The following CA10 variants were observed in gnomAD, a reference collection of about 807,000 sequenced individuals.
CA10 encodes the protein carbonic anhydrase 10 (inactive), also known as carbonic anhydrase-related protein 10.
CA10 carries 14 observed loss-of-function variants against 44.2 expected under a neutral mutation model. The observed-to-expected ratio is 0.32, with a 90% CI of 0.21 to 0.50. The LOEUF (loss-of-function observed/expected upper bound fraction) is 0.50, where lower values mean the gene tolerates loss of function less well. CA10 is among the 20% of genes least tolerant of loss of function. The pLI is 0.99. For missense variants in CA10, 350 were observed against 409.7 expected, an observed-to-expected ratio of 0.85 and a Z score of 1.26; for synonymous variants, 159 against 141.6, an observed-to-expected ratio of 1.12 and a Z score of -0.87.
intron 4 of CA10, among the ~76,000 whole-genome samples, chr17:51,716,229 C>T (rs1916110457): frequency 6.6e-6 from 1 of 152,148 alleles, no homozygotes. Flanking sequence ...GCAGTTCTCC[C>T]TCTAGATTTG....
intron 2 of CA10, among the ~76,000 whole-genome samples, chr17:52,057,796 T>C (rs1358268765): frequency 6.6e-6 from 1 of 152,138 alleles, no homozygotes; most frequent in African/African-American, 2.4e-5. Flanking sequence ...GGTTTCATTA[T>C]TATTATTAAA....
chr17:51,746,053 A>G (rs1904675022), intron 4 of CA10, among the ~76,000 whole-genome samples: 1 of 152,192 alleles, frequency 6.6e-6, no homozygotes, highest in African/African-American at 2.4e-5. Context: ...TGGCATTACA[A>G]TGCCTTTGGC....
At chr17:51,823,663 T>G (rs1371618561) in intron 3 of CA10, among the ~76,000 whole-genome samples, 2 of 152,144 alleles carry the variant, frequency 1.3e-5, no homozygotes, top group Non-Finnish European at 2.9e-5. Flanking sequence ...TGACAACTCT[T>G]AAGACTTGAA....
At chr17:52,083,021 T>A (rs1258317043) in intron 1 of CA10, among the ~76,000 whole-genome samples, 1 of 152,214 alleles carries the variant, frequency 6.6e-6, no homozygotes, top group Non-Finnish European at 1.5e-5. Flanking sequence ...CCTAGGTTCA[T>A]GCAGCCTCCC....
chr17:51,703,018 G>C (rs1196697433), intron 4 of CA10, among the ~76,000 whole-genome samples: 1 of 152,114 alleles, frequency 6.6e-6, no homozygotes, highest in Non-Finnish European at 1.5e-5. Context: ...ATCCTGCTGG[G>C]AGGTTGTTAT....
At chr17:51,708,189 G>A (rs1029776800) in intron 4 of CA10, among the ~76,000 whole-genome samples, 16 of 152,170 alleles carry the variant, frequency 1.1e-4, no homozygotes, top group African/African-American at 2.7e-4. Context: ...GAGGCAGAGC[G>A]AATAGAGAGG....
chr17:51,633,306 T>C (rs1041912595), intron 8 of CA10, among the ~76,000 whole-genome samples, 170 bp downstream of exon 8: 4 of 152,182 alleles, frequency 2.6e-5, no homozygotes, highest in African/African-American at 7.2e-5. Flanking sequence ...CTGTATCACA[T>C]ATATCAAAAC....
At chr17:51,785,511 G>A (rs764459356) in intron 3 of CA10, among the ~76,000 whole-genome samples, 1 of 152,086 alleles carries the variant, frequency 6.6e-6, no homozygotes. Flanking sequence ...CCAAAATACA[G>A]GCAATAACAA....
At chr17:51,812,901 C>G (rs1907427097) in intron 3 of CA10, among the ~76,000 whole-genome samples, 1 of 152,198 alleles carries the variant, frequency 6.6e-6, no homozygotes, top group African/African-American at 2.4e-5. Context: ...GCTTAACCAT[C>G]TCCCAAATAG....
At chr17:51,685,796 C>T (rs1914989028) in intron 4 of CA10, among the ~76,000 whole-genome samples, 1 of 152,118 alleles carries the variant, frequency 6.6e-6, no homozygotes, top group African/African-American at 2.4e-5. Context: ...AGGAAAATAA[C>T]CCCAGAAAAG....
chr17:51,682,946 G>A (rs1474483489), intron 4 of CA10, among the ~76,000 whole-genome samples: 1 of 152,166 alleles, frequency 6.6e-6, no homozygotes, highest in Admixed American at 6.6e-5. Flanking sequence ...GAACCACCAG[G>A]CATGCTTATT....
intron 4 of CA10, among the ~76,000 whole-genome samples, chr17:51,692,372 TATC>T (rs2143429196): frequency 1.8e-5 from 1 of 56,896 alleles, no homozygotes; most frequent in South Asian, 6.0e-4. Context: ...CCATCCTATC[TATC>T]TATCTATCTA....
At chr17:51,895,013 G>A (rs1981010046) in intron 3 of CA10, among the ~76,000 whole-genome samples, 1 of 152,028 alleles carries the variant, frequency 6.6e-6, no homozygotes. Context: ...AATCTTACAA[G>A]CTCCCATTAA....
chr17:52,159,824 C>T (rs897883283), upstream of CA10: 1 of 152,302 alleles, frequency 6.6e-6, no homozygotes, highest in African/African-American at 2.4e-5. Context: ...CTCAGAACTG[C>T]TTGCCTAAGA....
intron 1 of CA10, among the ~76,000 whole-genome samples, chr17:52,140,247 T>C (rs997526736): frequency 5.3e-5 from 8 of 152,218 alleles, no homozygotes; most frequent in African/African-American, 1.9e-4. Flanking sequence ...TGTACTTCAA[T>C]AAAAGTTTAT....
chr17:52,121,569 A>G (rs1989015477), intron 1 of CA10, among the ~76,000 whole-genome samples: 1 of 151,974 alleles, frequency 6.6e-6, no homozygotes, highest in Non-Finnish European at 1.5e-5. Flanking sequence ...AGAGACCTTC[A>G]TTTCAAAAAA....
intron 3 of CA10, among the ~76,000 whole-genome samples, chr17:51,765,006 TTAAAGA>T (rs1420670815): frequency 9.2e-5 from 14 of 152,228 alleles, no homozygotes; most frequent in Non-Finnish European, 1.6e-4. Flanking sequence ...GTTTTAAATA[TTAAAGA>T]TAAAGGCAAA....
At chr17:51,924,388 C>A (rs886582750) in intron 3 of CA10, among the ~76,000 whole-genome samples, 2 of 152,164 alleles carry the variant, frequency 1.3e-5, no homozygotes, top group African/African-American at 4.8e-5. Context: ...ATTACAAGGG[C>A]TGTGAATGCC....
intron 1 of CA10, among the ~76,000 whole-genome samples, chr17:52,100,167 G>A (rs2143244438): frequency 6.6e-6 from 1 of 152,262 alleles, no homozygotes; most frequent in South Asian, 2.1e-4. Context: ...TAGTTGAAAG[G>A]GATAATGTGA....
Sources: gnomAD v4.1 joint callset for allele counts (sites outside exome capture counted in the v4.1 genomes callset) on GRCh38, gnomAD v4.1.1 for gene constraint, MANE v1.5 for transcripts, NCBI Gene and HGNC (gene_info 2026-07-23, HGNC 2026-07-21) for gene names.